Variants in CACNA1C observed in about 807,000 individuals in gnomAD.
The protein encoded by CACNA1C is calcium voltage-gated channel subunit alpha1 C, also known as voltage-dependent L-type calcium channel subunit alpha-1C.
In CACNA1C, 30 loss-of-function variants were observed where a neutral mutation model predicts 229.0. The observed-to-expected ratio is 0.13, with a 90% CI of 0.10 to 0.18. CACNA1C has a LOEUF of 0.18. CACNA1C is among the 10% of genes least tolerant of loss of function. CACNA1C has a pLI of 1.00. For synonymous variants in CACNA1C, 1,114 were observed against 1,132.5 expected, an observed-to-expected ratio of 0.98 and a Z score of 0.33; for missense variants, 1,658 against 2,845.0, an observed-to-expected ratio of 0.58 and a Z score of 9.49.
chr12:2,316,874 C>T (rs1055506366), intron 3 of CACNA1C, among the ~76,000 whole-genome samples: 26 of 152,280 alleles, frequency 1.7e-4, no homozygotes, highest in East Asian at 1.9e-4. Flanking sequence ...CGGACACTAC[C>T]GGCTGACTGC....
chr12:2,396,026 A>G lies in CACNA1C; in HGVS notation c.478-52950A>G, dbSNP rs538752415. Among the ~76,000 whole-genome samples, 68 of 152,152 alleles carry G rather than the reference A, an allele frequency of 4.5e-4. 1 individual carries two copies. The highest frequency in any genetic ancestry group is 2.1e-3 in the South Asian group (10 of 4,832). ...TCACTGGAGCCTGGTGCCCGTCCCC[A>G]TGGTCTGCACTCCTGGTGTTGAACC... On this transcript the variant is annotated intron_variant, in intron 3 of 46. Coordinates refer to ENST00000399655, the MANE Select transcript of CACNA1C (RefSeq NM_000719.7).
At chr12:2,250,523 A>G (rs1338726286) in intron 3 of CACNA1C, among the ~76,000 whole-genome samples, 2 of 152,154 alleles carry the variant, frequency 1.3e-5, no homozygotes, top group Admixed American at 1.3e-4. Context: ...CATAGCAACT[A>G]CTCAGGGGGA....
chr12:2,015,587 G>A (rs552156863), intron 1 of CACNA1C, among the ~76,000 whole-genome samples: 6 of 152,352 alleles, frequency 3.9e-5, no homozygotes, highest in East Asian at 1.9e-4. Flanking sequence ...AGCCTAGGGC[G>A]AAAGTTCTCA....
chr12:2,364,230 A>C (rs1031771515), intron 3 of CACNA1C, among the ~76,000 whole-genome samples: 15 of 152,318 alleles, frequency 9.8e-5, no homozygotes, highest in African/African-American at 3.6e-4. Flanking sequence ...CTCTAGGTGA[A>C]TGCCTATAAG....
intron 3 of CACNA1C, among the ~76,000 whole-genome samples, chr12:2,266,201 T>TTC (rs3055500): frequency 6.6e-6 from 1 of 152,136 alleles, no homozygotes; most frequent in Non-Finnish European, 1.5e-5. Flanking sequence ...CCTCACTTTT[T>TTC]CCCTTCCTCC....
chr12:2,230,567 T>G lies in CACNA1C; in HGVS notation c.477+110137T>G, dbSNP rs1313197572. On this transcript the variant is annotated intron_variant, in intron 3 of 46. Transcript: ENST00000399655. ...GGTTACACAGCACCCATCGTGACCC[T>G]CGACGGCCTCAGTAGCTGGCCGTCC... Among the ~76,000 whole-genome samples, 4 of 152,186 alleles carry G rather than the reference T, an allele frequency of 2.6e-5. No individual in the cohort carries two copies. In the East Asian group the frequency reaches 7.7e-4, roughly 29 times the overall value.
chr12:2,326,890 C>T (rs2096324486), intron 3 of CACNA1C, among the ~76,000 whole-genome samples: 1 of 152,222 alleles, frequency 6.6e-6, no homozygotes, highest in African/African-American at 2.4e-5. Context: ...GCTTGTGAAG[C>T]TTTGTAAAAA....
At chr12:2,236,048 G>C (rs1484407465) in intron 3 of CACNA1C, among the ~76,000 whole-genome samples, 1 of 152,218 alleles carries the variant, frequency 6.6e-6, no homozygotes, top group Non-Finnish European at 1.5e-5. Context: ...AGCTGGACCA[G>C]GCAGTTTGGC....
At chr12:2,252,931 C>T (rs550823472) in intron 3 of CACNA1C, among the ~76,000 whole-genome samples, 3 of 152,120 alleles carry the variant, frequency 2.0e-5, no homozygotes, top group South Asian at 2.1e-4. Context: ...GGCCCTCTCC[C>T]GCAAAAGGAA....
intron 3 of CACNA1C, among the ~76,000 whole-genome samples, chr12:2,249,624 A>G (rs1187944566): frequency 6.6e-6 from 1 of 152,152 alleles, no homozygotes; most frequent in Non-Finnish European, 1.5e-5. Context: ...TGAAGTGGGC[A>G]CACAGAGGTG....
intron 3 of CACNA1C, among the ~76,000 whole-genome samples, chr12:2,361,601 G>C (rs543891020): frequency 3.9e-5 from 6 of 152,160 alleles, no homozygotes; most frequent in Non-Finnish European, 8.8e-5. Context: ...GCCAAGCATT[G>C]AGGATGGCAA....
chr12:2,406,232 G>C (rs2098735906), intron 3 of CACNA1C, among the ~76,000 whole-genome samples: 1 of 152,098 alleles, frequency 6.6e-6, no homozygotes, highest in African/African-American at 2.4e-5. Flanking sequence ...ATATATCTTG[G>C]TGTGGATTTC....
At chr12:2,669,106 G>A in intron 38 of CACNA1C, 71 bp downstream of exon 38, 4 of 1,077,866 alleles carry the variant, frequency 3.7e-6, no homozygotes, top group Non-Finnish European at 4.3e-6. Flanking sequence ...GAGCTCGGCA[G>A]CCTGCAAAGT....
chr12:2,644,303 G>A (rs2094100150), intron 30 of CACNA1C, among the ~76,000 whole-genome samples: 2 of 152,096 alleles, frequency 1.3e-5, no homozygotes, highest in Admixed American at 1.3e-4. Flanking sequence ...AAATCAGCCT[G>A]CCAAGGAGAA....
At chr12:2,609,893 G>A (rs1381332812) in intron 27 of CACNA1C, among the ~76,000 whole-genome samples, 5 of 152,148 alleles carry the variant, frequency 3.3e-5, no homozygotes, top group African/African-American at 4.8e-5. Context: ...GGAGGCCAAG[G>A]TGGGCGGATC....
At chr12:2,017,662 T>TTG (rs1365298309) in intron 1 of CACNA1C, among the ~76,000 whole-genome samples, 1 of 150,566 alleles carries the variant, frequency 6.6e-6, no homozygotes, top group East Asian at 1.9e-4. Context: ...TTTTTTCTGT[T>TTG]TTTTTTTTTT....
intron 3 of CACNA1C, among the ~76,000 whole-genome samples, chr12:2,427,808 C>T (rs140006475): frequency 2.2e-4 from 33 of 152,118 alleles, no homozygotes; most frequent in African/African-American, 6.5e-4. Flanking sequence ...TTAGTAGAGA[C>T]GGAGTTTTAC....
intron 30 of CACNA1C, among the ~76,000 whole-genome samples, chr12:2,643,869 C>T (rs1362070637): frequency 1.3e-5 from 2 of 152,186 alleles, no homozygotes; most frequent in African/African-American, 4.8e-5. Context: ...GTCTCTCCCT[C>T]AAAGCCCCAC....
intron 3 of CACNA1C, among the ~76,000 whole-genome samples, chr12:2,444,520 A>G (rs972697335): frequency 1.3e-5 from 2 of 151,946 alleles, no homozygotes; most frequent in African/African-American, 4.8e-5. Context: ...TTTAGTCTGC[A>G]CACTCTCCTC....
Sources: allele counts gnomAD v4.1 joint callset (sites outside exome capture counted in the v4.1 genomes callset), GRCh38; gene constraint gnomAD v4.1.1; transcripts MANE v1.5; gene names NCBI Gene and HGNC (gene_info 2026-07-23, HGNC 2026-07-21).